The following ITGA11 variants were observed in gnomAD, a reference collection of about 807,000 sequenced individuals.
The protein encoded by ITGA11 is integrin alpha-11.
ITGA11 carries 97 observed loss-of-function variants against 141.9 expected under a neutral mutation model. The observed-to-expected ratio is 0.68, with a 90% confidence interval of 0.58 to 0.81. The LOEUF is 0.81. ITGA11 is among the 30% of genes least tolerant of loss of function. The pLI is 0.00. For missense variants in ITGA11, 1,387 were observed against 1,559.2 expected (o/e 0.89, Z 1.86); for synonymous variants, 658 against 624.6 (o/e 1.05, Z -0.80).
chr15:68,378,461 A>G (rs1275711532), intron 2 of ITGA11, among the ~76,000 whole-genome samples: 1 of 152,108 alleles, frequency 6.6e-6, no homozygotes, highest in Non-Finnish European at 1.5e-5. Flanking sequence ...CCTGGGCAAC[A>G]TAGCAAGACC....
intron 2 of ITGA11, among the ~76,000 whole-genome samples, chr15:68,400,616 T>TATATTATATATTATAATATATAATAA (rs1896450538): frequency 1.1e-5 from 1 of 93,812 alleles, no homozygotes; most frequent in Admixed American, 1.8e-4. Context: ...ATATATAATA[T>TATATTATATATTATAATATATAATAA]ATATTATATA....
rs1894247755 is a variant in ITGA11 at position 68,333,572 on chromosome 15, C to T, written c.1426-1094G>A. On this transcript the variant is annotated intron_variant, in intron 12 of 29. Transcript: ENST00000315757. The surrounding 1 kb of genome is among the most constrained non-coding windows in gnomAD (Gnocchi z 4.2). ...AACCCAGAAACCCTGACTCCACCCT[C>T]CACCTCTCCCACCCGTAAACCTGCC... Among the ~76,000 whole-genome samples, 1 of 152,122 alleles carries T rather than the reference C, an allele frequency of 6.6e-6. No homozygotes were observed.
In ITGA11 at chr15:68,350,669, A is replaced by G; in HGVS notation, c.1008T>C (p.Ala336=). 1 of 1,613,976 alleles carries G rather than the reference A, an allele frequency of 6.2e-7. No homozygotes were observed. Among genetic ancestry groups the G allele is most frequent in the East Asian group, 2.2e-5 (1 of 44,876 alleles). ...DKHFFNVTDE[A]ALKDIVDALG... The stretch of plus-strand genomic sequence containing the variant: ...GGGCATCGACAATGTCCTTCAAGGC[A>G]GCCTCATCAGTGACATTGAAGAAGT... Residue 336 remains alanine, a synonymous_variant, in exon 9 of 30, where the codon GCT becomes GCC. Coordinates refer to ENST00000315757, the MANE Select transcript of ITGA11 (RefSeq NM_001004439.2).
intron 1 of ITGA11, among the ~76,000 whole-genome samples, chr15:68,419,065 G>T (rs1896956958): frequency 6.6e-6 from 1 of 151,968 alleles, no homozygotes; most frequent in Non-Finnish European, 1.5e-5. Flanking sequence ...AAGCCTGCAG[G>T]GCCCGCCCTC....
At chr15:68,413,671 A>G (rs1302332762) in intron 1 of ITGA11, among the ~76,000 whole-genome samples, 1 of 152,146 alleles carries the variant, frequency 6.6e-6, no homozygotes, top group Admixed American at 6.5e-5. Flanking sequence ...CTGCTTTGTA[A>G]CATCGAAGAC....
At chr15:68,312,917 G>T in intron 23 of ITGA11, 54 bp from the exon 24 acceptor site, 1 of 1,307,594 alleles carries the variant, frequency 7.6e-7, no homozygotes, top group Non-Finnish European at 1.1e-6. Flanking sequence ...TGGCTGGATG[G>T]ACAGATGAAT....
intron 1 of ITGA11, among the ~76,000 whole-genome samples, chr15:68,403,495 G>A (rs1031154501): frequency 2.6e-5 from 4 of 152,148 alleles, no homozygotes; most frequent in African/African-American, 7.2e-5. Context: ...CATGTGACAC[G>A]CTGGCTCGCC....
chr15:68,351,191 T>C (rs1894899739), intron 8 of ITGA11, 67 bp downstream of exon 8: 1 of 1,531,072 alleles, frequency 6.5e-7, no homozygotes, highest in African/African-American at 1.4e-5. Context: ...TCCCTTGGAG[T>C]CCCCAGGGAT....
chr15:68,416,835 G>C (rs1896896841), intron 1 of ITGA11, among the ~76,000 whole-genome samples: 2 of 152,154 alleles, frequency 1.3e-5, no homozygotes, highest in Admixed American at 1.3e-4. Context: ...AGAATTGCTT[G>C]AACCAGGGAG....
At chr15:68,422,639 C>A (rs1206298716) in intron 1 of ITGA11, among the ~76,000 whole-genome samples, 2 of 152,142 alleles carry the variant, frequency 1.3e-5, no homozygotes, top group African/African-American at 4.8e-5. Flanking sequence ...AATCCAAATG[C>A]CTTAGTTGGC....
intron 1 of ITGA11, among the ~76,000 whole-genome samples, chr15:68,420,547 G>A (rs912375334): frequency 5.3e-5 from 8 of 152,204 alleles, no homozygotes; most frequent in African/African-American, 1.9e-4. Context: ...CAAGTGGACA[G>A]GGAAAAGTCA....
intron 2 of ITGA11, among the ~76,000 whole-genome samples, chr15:68,387,938 G>A (rs1017790578): frequency 3.3e-5 from 5 of 151,872 alleles, no homozygotes; most frequent in East Asian, 1.9e-4. Flanking sequence ...CCCAAGCCCC[G>A]CTTCCTTCTC....
At chr15:68,422,307 C>A (rs1897037467) in intron 1 of ITGA11, among the ~76,000 whole-genome samples, 1 of 152,146 alleles carries the variant, frequency 6.6e-6, no homozygotes, top group African/African-American at 2.4e-5. Flanking sequence ...ACTCAACTTC[C>A]CCTGTCAAAC....
chr15:68,333,113 T>C lies in ITGA11; in HGVS notation c.1426-635A>G, dbSNP rs1894230174. On this transcript the variant is annotated intron_variant, in intron 12 of 29. Transcript: ENST00000315757. The surrounding 1 kb of genome is among the most constrained non-coding windows in gnomAD (Gnocchi z 4.2). ...TTATTGCTGGACGGTTAGCTTTTTT[T>C]TTTTGAGGCAAGGTTTTGCTCCATC... 6.6e-6 allele frequency among the ~76,000 whole-genome samples: 1 copy of C among 151,866 alleles called. No individual in the cohort carries two copies. The highest frequency in any genetic ancestry group is 1.5e-5 in the Non-Finnish European group (1 of 67,956).
chr15:68,337,351 A>AC (rs1894394348), intron 11 of ITGA11, among the ~76,000 whole-genome samples: 1 of 152,040 alleles, frequency 6.6e-6, no homozygotes, highest in Admixed American at 6.5e-5. Context: ...AAAGGGTAGG[A>AC]CCATGGCCCG....
At position 68,332,339 on chromosome 15, in the gene ITGA11, T is replaced by G; in HGVS notation, c.1565A>C (p.Gln522Pro). 1 of 1,603,744 alleles carries G rather than the reference T, an allele frequency of 6.2e-7. No individual in the cohort carries two copies. Among genetic ancestry groups the G allele is most frequent in the Non-Finnish European group, 8.5e-7 (1 of 1,176,030 alleles). ...TGCCCAGCCCCTGCCCAGCTGTACC[T>G]GTCTCAGCTCATAGACGTACACCTT... ...RGKVYVYELR[Q>P]NLFVYNGTLK... is the part of the protein sequence containing the mutation. Residue 522 changes from glutamine (Q) to proline (P), a missense_variant and splice_region_variant, in exon 13 of 30, where the codon CAG becomes CCG. Coordinates refer to ENST00000315757, the MANE Select transcript of ITGA11 (RefSeq NM_001004439.2).
intron 5 of ITGA11, among the ~76,000 whole-genome samples, chr15:68,360,256 A>G (rs1895198332): frequency 6.6e-6 from 1 of 152,236 alleles, no homozygotes; most frequent in Non-Finnish European, 1.5e-5. Context: ...GGGGGTGACC[A>G]AGACAGAAAT....
intron 1 of ITGA11, among the ~76,000 whole-genome samples, chr15:68,426,461 G>C (rs750843738): frequency 6.6e-6 from 1 of 152,168 alleles, no homozygotes; most frequent in African/African-American, 2.4e-5. Flanking sequence ...CCTGAGCTGG[G>C]TGGGGAGAGG....
intron 4 of ITGA11, chr15:68,361,906 G>T: frequency 2.0e-6 from 1 of 501,114 alleles, no homozygotes; most frequent in Non-Finnish European, 3.6e-6. Flanking sequence ...CAGGTCTAAT[G>T]GAGAAAAACT....
Sources: gnomAD v4.1 joint callset for allele counts (sites outside exome capture counted in the v4.1 genomes callset) on GRCh38, gnomAD v4.1.1 for gene constraint, Gnocchi (gnomAD v3.1) non-coding constraint, MANE v1.5 for transcripts, NCBI Gene and HGNC (gene_info 2026-07-23, HGNC 2026-07-21) for gene names.